The following MRC1 variants were observed in gnomAD, a reference collection of about 807,000 sequenced individuals.
MRC1 encodes the protein mannose receptor C-type 1, also known as macrophage mannose receptor 1.
In MRC1, 62 loss-of-function variants were observed where a neutral mutation model predicts 102.9. The observed-to-expected ratio is 0.60, with a 90% CI of 0.49 to 0.74. The LOEUF is 0.74. MRC1 is among the 30% of genes least tolerant of loss of function. The pLI, the probability that MRC1 is intolerant of heterozygous loss-of-function variation, is 0.00. For missense variants in MRC1, 1,237 were observed against 862.8 expected (o/e 1.43, Z -5.43); for synonymous variants, 457 against 298.4 (o/e 1.53, Z -5.48).
Position 17,903,959 on chromosome 10 carries a change from AG to A in MRC1, c.3799+1838del, listed in dbSNP as rs200030498. 1.9e-3 allele frequency among the ~76,000 whole-genome samples: 290 copies of A among 150,988 alleles called. 1 individual carries two copies. The highest frequency in any genetic ancestry group is 5.8e-3 in the African/African-American group (239 of 41,212). On this transcript the variant is annotated intron_variant, in intron 26 of 29. Transcript: ENST00000569591. ...CAACAGAGCGAGACTTCATTTCAAAAGAAAAAAATCTGGTTCATATTAATAT... is the reference window on the plus strand; with the variant it reads ...CAACAGAGCGAGACTTCATTTCAAAAAAAAAAATCTGGTTCATATTAATAT...
At chr10:17,860,113 A>G (rs1004936970) in intron 9 of MRC1, among the ~76,000 whole-genome samples, 9 of 152,164 alleles carry the variant, frequency 5.9e-5, no homozygotes, top group African/African-American at 1.7e-4. Flanking sequence ...ATCTTAATCT[A>G]GGATCTCATA....
At chr10:17,863,871 G>A (rs1833223067) in intron 11 of MRC1, among the ~76,000 whole-genome samples, 189 bp downstream of exon 11, 1 of 150,754 alleles carries the variant, frequency 6.6e-6, no homozygotes. Context: ...TTTCCCAATA[G>A]GTTTAGTGTT....
rs947592288 is a variant in MRC1 at position 17,828,745 on chromosome 10, T to A, written c.637+1030T>A. Among the ~76,000 whole-genome samples, 176 of 151,576 alleles carry A rather than the reference T, an allele frequency of 1.2e-3. 4 individuals are homozygous for A. Among genetic ancestry groups the A allele is most frequent in the African/African-American group, 4.1e-3 (169 of 40,888 alleles). On this transcript the variant is annotated intron_variant, in intron 3 of 29. Transcript: ENST00000569591. ...TTCAAGGTTTCTTAAAAATGAAAAT[T>A]CAGGTTTTATTGCAAGGATGCAAAA... is the stretch of plus-strand genomic sequence containing the variant.
At chr10:17,894,377 T>C in intron 23 of MRC1, 65 bp downstream of exon 23, 1 of 721,302 alleles carries the variant, frequency 1.4e-6, no homozygotes, top group Non-Finnish European at 2.4e-6. Flanking sequence ...CTTTTTTCTT[T>C]CTTTCTTTCT....
At chr10:17,864,498 T>C (rs544355586) in intron 11 of MRC1, among the ~76,000 whole-genome samples, 47 of 152,174 alleles carry the variant, frequency 3.1e-4, no homozygotes, top group African/African-American at 9.6e-4. Flanking sequence ...TTTGTCATCA[T>C]AAAAACCTTG....
At chr10:17,846,568 C>A (rs1838828679) in intron 6 of MRC1, among the ~76,000 whole-genome samples, 1 of 152,146 alleles carries the variant, frequency 6.6e-6, no homozygotes, top group Non-Finnish European at 1.5e-5. Context: ...ACCTGTAACA[C>A]CCAGTTTACC....
At chr10:17,904,300 A>G (rs964669086) in intron 26 of MRC1, among the ~76,000 whole-genome samples, 91 of 152,210 alleles carry the variant, frequency 6.0e-4, no homozygotes, top group African/African-American at 2.1e-3. Flanking sequence ...TATTTTCTTC[A>G]GTAGTTCTTA....
At chr10:17,877,066 C>A (rs971343446) in intron 17 of MRC1, among the ~76,000 whole-genome samples, 2 of 148,708 alleles carry the variant, frequency 1.3e-5, no homozygotes, top group East Asian at 1.9e-4. Context: ...TATTGCACAA[C>A]TATATATATA....
chr10:17,862,562 A>G (rs1440166992), intron 10 of MRC1, among the ~76,000 whole-genome samples: 2 of 152,144 alleles, frequency 1.3e-5, no homozygotes, highest in African/African-American at 2.4e-5. Context: ...TTCCTTGTGT[A>G]TCTTCTGTAA....
At chr10:17,821,805 G>A (rs1015866750) in intron 1 of MRC1, among the ~76,000 whole-genome samples, 8 of 152,028 alleles carry the variant, frequency 5.3e-5, no homozygotes, top group Non-Finnish European at 1.0e-4. Flanking sequence ...GTTTGATTTC[G>A]CTGGAATTAT....
intron 27 of MRC1, among the ~76,000 whole-genome samples, 192 bp downstream of exon 27, chr10:17,907,191 A>G (rs1456160389): frequency 6.6e-6 from 1 of 152,236 alleles, no homozygotes; most frequent in Admixed American, 6.5e-5. Flanking sequence ...AAAGTTGCTA[A>G]TTAAAAAATA....
At chr10:17,819,102 G>T (rs1187027125) in intron 1 of MRC1, among the ~76,000 whole-genome samples, 2 of 152,142 alleles carry the variant, frequency 1.3e-5, no homozygotes, top group African/African-American at 4.8e-5. Flanking sequence ...CTCCATAAAG[G>T]TAGATGAGAA....
chr10:17,872,150 T>C (rs1833362960), intron 15 of MRC1, 24 bp downstream of exon 15: 2 of 780,392 alleles, frequency 2.6e-6, no homozygotes, highest in Admixed American at 3.4e-5. Flanking sequence ...TTCTCTCCTT[T>C]ATCTCAGCTT....
chr10:17,900,438 A>G (rs1589196237), intron 24 of MRC1, among the ~76,000 whole-genome samples: 1 of 152,136 alleles, frequency 6.6e-6, no homozygotes, highest in African/African-American at 2.4e-5. Flanking sequence ...ATAATAATAT[A>G]AGAAATATCT....
chr10:17,887,036 C>T (rs1833607100), intron 22 of MRC1, among the ~76,000 whole-genome samples: 1 of 152,184 alleles, frequency 6.6e-6, no homozygotes. Flanking sequence ...AATTTGGTAG[C>T]TATTTGCCGG....
chr10:17,883,419 A>G (rs1430253694), intron 21 of MRC1, among the ~76,000 whole-genome samples: 1 of 149,638 alleles, frequency 6.7e-6, no homozygotes, highest in East Asian at 2.0e-4. Flanking sequence ...GTGAGCCACC[A>G]TATCTAGCTG....
Position 17,827,647 on chromosome 10 carries a change from G to A in MRC1, c.569G>A (p.Gly190Glu), listed in dbSNP as rs1411833716. 1.0e-5 allele frequency: 8 copies of A among 780,744 alleles called. No individual in the cohort carries two copies. Among genetic ancestry groups the A allele is most frequent in the Non-Finnish European group, 1.9e-5 (8 of 417,986 alleles). 48.4% of individuals were successfully genotyped at this position (780,744 alleles called of 1,614,324 possible). ...ADCTSAGRSDGWLWCGTTTDY... is the reference protein window; with the variant it reads ...ADCTSAGRSDEWLWCGTTTDY... ...TGCACGAGTGCTGGGCGGTCGGATGGATGGCTCTGGTGCGGAACCACTACT... is the reference window on the plus strand; with the variant it reads ...TGCACGAGTGCTGGGCGGTCGGATGAATGGCTCTGGTGCGGAACCACTACT... The change falls in exon 3 of 30, where the codon GGA becomes GAA. Residue 190 changes from glycine to glutamate, a missense_variant. Transcript: ENST00000569591.
intron 12 of MRC1, among the ~76,000 whole-genome samples, chr10:17,867,386 C>T (rs541560597): frequency 1.4e-3 from 184 of 130,416 alleles, no homozygotes; most frequent in Non-Finnish European, 2.2e-3. Context: ...TCTTCTTCTT[C>T]TCCTTCTTCT....
In MRC1 at chr10:17,840,735, A is replaced by G; in HGVS notation, c.845A>G (p.Asn282Ser). The G allele has an allele frequency of 1.3e-6, 1 of 780,880 alleles. No individual in the cohort carries two copies. The highest frequency in any genetic ancestry group is 2.4e-6 in the Non-Finnish European group (1 of 417,950). 48.4% of individuals were successfully genotyped at this position (780,880 alleles called of 1,614,324 possible). The change falls in exon 5 of 30, where the codon AAC (asparagine) becomes AGC (serine). Residue 282 changes from asparagine to serine, a missense_variant. Physicochemically the swap from Asn to Ser is conservative, Grantham distance 46. Transcript: ENST00000569591. The stretch of plus-strand genomic sequence containing the variant: ...ACCTCAGGACTCTGGATTGGACTTA[A>G]CAGTCTGAGCTTCAACAGCGGTTGG... Reference protein sequence around the residue: ...SLTSGLWIGLNSLSFNSGWQW... With the variant: ...SLTSGLWIGLSSLSFNSGWQW...
Sources: allele counts gnomAD v4.1 joint callset (sites outside exome capture counted in the v4.1 genomes callset), GRCh38; gene constraint gnomAD v4.1.1; transcripts MANE v1.5; gene names NCBI Gene and HGNC (gene_info 2026-07-23, HGNC 2026-07-21).